NKAIN2: variants seen among roughly 807,000 people sequenced by gnomAD.
NKAIN2 encodes the protein sodium/potassium-transporting ATPase subunit beta-1-interacting protein 2.
Under a neutral mutation model 32.6 loss-of-function variants are expected in NKAIN2, and 14 were observed. The observed-to-expected ratio is 0.43, with a 90% CI of 0.28 to 0.67. The LOEUF (loss-of-function observed/expected upper bound fraction) is 0.67. Ranked by LOEUF, NKAIN2 falls within the 30% of genes least tolerant of loss-of-function variation. NKAIN2 has a pLI of 0.17. For synonymous variants in NKAIN2, 80 were observed against 87.2 expected, an observed-to-expected ratio of 0.92 and a Z score of 0.46; for missense variants, 198 against 258.3, an observed-to-expected ratio of 0.77 and a Z score of 1.60.
At chr6:124,064,949 G>A (rs907921338) in intron 1 of NKAIN2, among the ~76,000 whole-genome samples, 2 of 152,106 alleles carry the variant, frequency 1.3e-5, no homozygotes, top group African/African-American at 4.8e-5. Context: ...CTTGAATCTG[G>A]AGGTTTATCT....
intron 2 of NKAIN2, among the ~76,000 whole-genome samples, chr6:124,304,168 T>C (rs1202853701): frequency 2.0e-5 from 3 of 152,182 alleles, no homozygotes; most frequent in Non-Finnish European, 1.5e-5. Flanking sequence ...ATTTGTTTAG[T>C]CATCAGTATT....
At chr6:124,629,857 A>G (rs761022996) in intron 3 of NKAIN2, among the ~76,000 whole-genome samples, 3 of 151,970 alleles carry the variant, frequency 2.0e-5, no homozygotes, top group South Asian at 2.1e-4. Flanking sequence ...TCTACTAGAT[A>G]CTTGTCATAT....
chr6:124,293,191 T>A (rs1396175157), intron 2 of NKAIN2, among the ~76,000 whole-genome samples: 1 of 152,126 alleles, frequency 6.6e-6, no homozygotes, highest in Non-Finnish European at 1.5e-5. Context: ...TTATTACATA[T>A]CTTTGAAGCT....
At chr6:124,127,219 G>A (rs1004457421) in intron 1 of NKAIN2, among the ~76,000 whole-genome samples, 1 of 152,146 alleles carries the variant, frequency 6.6e-6, no homozygotes, top group African/African-American at 2.4e-5. Context: ...TCTGATATGT[G>A]GAAAGAAAAA....
At chr6:124,524,934 C>T (rs2114806166) in intron 3 of NKAIN2, among the ~76,000 whole-genome samples, 1 of 152,252 alleles carries the variant, frequency 6.6e-6, no homozygotes, top group East Asian at 1.9e-4. Context: ...CCCACGGAAA[C>T]AAGATGGCAC....
At chr6:124,112,923 T>C (rs1360233915) in intron 1 of NKAIN2, among the ~76,000 whole-genome samples, 2 of 151,338 alleles carry the variant, frequency 1.3e-5, no homozygotes, top group Non-Finnish European at 2.9e-5. Flanking sequence ...CTTTGTAATA[T>C]TTTCTCTTTC....
chr6:124,051,234 A>G (rs1023297142), intron 1 of NKAIN2, among the ~76,000 whole-genome samples: 4 of 151,946 alleles, frequency 2.6e-5, no homozygotes, highest in Non-Finnish European at 5.9e-5. Context: ...ATGCATTAGG[A>G]TTAATTAGAT....
rs1486537855 is a variant in NKAIN2 at position 124,381,662 on chromosome 6, G to C, written c.273+26315G>C. Among the ~76,000 whole-genome samples the C allele has an allele frequency of 2.0e-5, 3 of 152,266 alleles. No individual in the cohort carries two copies. In the East Asian group the frequency reaches 5.8e-4, roughly 29 times the overall value. On this transcript the variant is annotated intron_variant, in intron 3 of 6. Coordinates refer to ENST00000368417, the MANE Select transcript of NKAIN2 (RefSeq NM_001040214.3). ...AGACTTGAATATCTTCTCGTCTACA[G>C]TTAAGGAGAAGACAGTACATGGAGA...
At chr6:123,941,744 A>C (rs1037711104) in intron 1 of NKAIN2, among the ~76,000 whole-genome samples, 4 of 152,036 alleles carry the variant, frequency 2.6e-5, no homozygotes. Context: ...TTCGGGGTTC[A>C]GAAAGAAGCC....
chr6:124,357,946 C>T (rs7754111), intron 3 of NKAIN2, among the ~76,000 whole-genome samples: 5,475 of 152,196 alleles, frequency 0.036, 318 homozygotes, highest in African/African-American at 0.12. Context: ...CCACAACAGG[C>T]CCCTGTGTGT....
At chr6:123,813,737 G>A (rs1773576967) in intron 1 of NKAIN2, among the ~76,000 whole-genome samples, 2 of 152,098 alleles carry the variant, frequency 1.3e-5, no homozygotes, top group African/African-American at 4.8e-5. Flanking sequence ...GCTTGAACCT[G>A]GGAGGCAGAG....
chr6:124,562,863 A>G (rs1009829828), intron 3 of NKAIN2, among the ~76,000 whole-genome samples: 2 of 152,006 alleles, frequency 1.3e-5, no homozygotes, highest in Non-Finnish European at 2.9e-5. Flanking sequence ...ACTCAAGGAG[A>G]AAACAGGAAA....
intron 1 of NKAIN2, among the ~76,000 whole-genome samples, chr6:123,977,759 A>G (rs924449614): frequency 1.8e-4 from 28 of 152,302 alleles, no homozygotes; most frequent in African/African-American, 6.5e-4. Context: ...GATATTTTTC[A>G]TAAATTTAGA....
chr6:124,337,039 T>C (rs1276959679), intron 2 of NKAIN2, among the ~76,000 whole-genome samples: 1 of 152,176 alleles, frequency 6.6e-6, no homozygotes, highest in Non-Finnish European at 1.5e-5. Context: ...CCTGCTTTTG[T>C]TGATAGTCAC....
rs1451662323 is a variant in NKAIN2 at position 123,964,300 on chromosome 6, A to G, written c.54+160046A>G. On this transcript the variant is annotated intron_variant, in intron 1 of 6. Transcript: ENST00000368417. This position sits in a 1 kb window ranked among gnomAD's most constrained non-coding sequence, Gnocchi z 4.0. ...ATTTTTCTTATACAGCTCCCTGTTCATCCCCTGATTTCTGTGTTGCCTTTG... is the reference window on the plus strand; with the variant it reads ...ATTTTTCTTATACAGCTCCCTGTTCGTCCCCTGATTTCTGTGTTGCCTTTG... 1.3e-5 allele frequency among the ~76,000 whole-genome samples: 2 copies of G among 152,172 alleles called. No individual in the cohort carries two copies. The highest frequency in any genetic ancestry group is 1.3e-4 in the Admixed American group (2 of 15,260).
At position 124,256,000 on chromosome 6, in the gene NKAIN2, C is replaced by T. The variant is rs578156296; in HGVS notation, c.55-27005C>T. 2.2e-4 allele frequency among the ~76,000 whole-genome samples: 34 copies of T among 152,230 alleles called. No homozygotes were observed. The South Asian group carries it at 5.8e-3, about 26-fold the overall frequency. ...TTATTTGAAGCTCCTCTCCACTGAACAAATAGATATGGGAAAGAAAGTTGA... is the reference window on the plus strand; with the variant it reads ...TTATTTGAAGCTCCTCTCCACTGAATAAATAGATATGGGAAAGAAAGTTGA... On this transcript the variant is annotated intron_variant, in intron 1 of 6. Coordinates refer to ENST00000368417, the MANE Select transcript of NKAIN2 (RefSeq NM_001040214.3).
chr6:124,099,061 G>A (rs1314319113), intron 1 of NKAIN2, among the ~76,000 whole-genome samples: 1 of 152,028 alleles, frequency 6.6e-6, no homozygotes, highest in African/African-American at 2.4e-5. Context: ...TTAGATACAG[G>A]ATGGTCCAAA....
intron 1 of NKAIN2, among the ~76,000 whole-genome samples, chr6:123,938,584 T>C (rs1305981628): frequency 7.2e-6 from 1 of 138,482 alleles, no homozygotes; most frequent in Non-Finnish European, 1.5e-5. Context: ...TATATTTATA[T>C]AGTTTTTATA....
At chr6:124,258,703 GA>G (rs1794072035) in intron 1 of NKAIN2, among the ~76,000 whole-genome samples, 1 of 152,168 alleles carries the variant, frequency 6.6e-6, no homozygotes, top group Non-Finnish European at 1.5e-5. Context: ...ATTCAAAGAG[GA>G]AATTAAATAG....
Sources: gnomAD v4.1 joint callset for allele counts (sites outside exome capture counted in the v4.1 genomes callset) on GRCh38, gnomAD v4.1.1 for gene constraint, Gnocchi (gnomAD v3.1) non-coding constraint, MANE v1.5 for transcripts, NCBI Gene and HGNC (gene_info 2026-07-23, HGNC 2026-07-21) for gene names.